OPN5: variants seen among roughly 807,000 people sequenced by gnomAD.
The protein encoded by OPN5 is opsin 5, also known as opsin-5.
OPN5 carries 18 observed loss-of-function variants against 41.7 expected under a neutral mutation model. That is an observed-to-expected ratio of 0.43 (90% CI 0.30 to 0.64). OPN5 has a LOEUF of 0.64. OPN5 is among the 30% of genes least tolerant of loss of function. OPN5 has a pLI of 0.13. For synonymous variants in OPN5, 178 were observed against 164.3 expected, an observed-to-expected ratio of 1.08 and a Z score of -0.64; for missense variants, 318 against 434.5, an observed-to-expected ratio of 0.73 and a Z score of 2.38.
chr6:47,785,246 G>A (rs1388915428), intron 1 of OPN5, among the ~76,000 whole-genome samples: 1 of 152,140 alleles, frequency 6.6e-6, no homozygotes, highest in African/African-American at 2.4e-5. Context: ...TGCTTTCCTA[G>A]CTGGTTTCCT....
intron 4 of OPN5, among the ~76,000 whole-genome samples, chr6:47,800,309 G>A (rs1195095180): frequency 5.9e-5 from 9 of 152,162 alleles, no homozygotes; most frequent in African/African-American, 2.2e-4. Context: ...GGGTGAAGGG[G>A]TGGGGATTGC....
intron 4 of OPN5, among the ~76,000 whole-genome samples, chr6:47,802,390 A>G (rs1340878431): frequency 6.6e-6 from 1 of 152,078 alleles, no homozygotes; most frequent in Non-Finnish European, 1.5e-5. Context: ...TGTATTTTCT[A>G]TCTCACTCAC....
chr6:47,784,180 C>A (rs1773143208), intron 1 of OPN5, among the ~76,000 whole-genome samples: 1 of 152,108 alleles, frequency 6.6e-6, no homozygotes, highest in Admixed American at 6.5e-5. Flanking sequence ...AGAACAGTCA[C>A]GCAGGGTGAG....
chr6:47,782,331 G>T, intron 1 of OPN5, 135 bp downstream of exon 1: 1 of 710,084 alleles, frequency 1.4e-6, no homozygotes, highest in Non-Finnish European at 2.3e-6. Flanking sequence ...GGCAGAAGAT[G>T]GAATGGCATT....
intron 5 of OPN5, 28 bp downstream of exon 5, chr6:47,808,423 T>A (rs1774060127): frequency 1.2e-6 from 2 of 1,612,368 alleles, no homozygotes; most frequent in East Asian, 4.5e-5. Flanking sequence ...GGAAATGAAT[T>A]ACACTCTCTT....
chr6:47,798,912 T>C (rs2113969465), intron 4 of OPN5, among the ~76,000 whole-genome samples: 1 of 152,266 alleles, frequency 6.6e-6, no homozygotes, highest in South Asian at 2.1e-4. Context: ...TTGGTACTTC[T>C]GATTTTCAGA....
intron 6 of OPN5, 198 bp downstream of exon 6, chr6:47,811,929 G>A (rs1774221935): frequency 2.5e-6 from 1 of 402,782 alleles, no homozygotes; most frequent in African/African-American, 2.0e-5. Context: ...CTAATTTAAG[G>A]AATATTATCA....
intron 4 of OPN5, among the ~76,000 whole-genome samples, chr6:47,806,000 A>G (rs1773945258): frequency 6.6e-6 from 1 of 151,982 alleles, no homozygotes; most frequent in Non-Finnish European, 1.5e-5. Context: ...GCTGCTCTCT[A>G]TTCCTATTAT....
Position 47,811,732 on chromosome 6 carries a change from G to T in OPN5, c.1056+1G>T, listed in dbSNP as rs1329790366. On this transcript the variant is annotated splice_donor_variant, in intron 6 of 6. Coordinates refer to ENST00000371211, the Ensembl canonical transcript of OPN5. LOFTEE classifies it high-confidence loss of function. ...TGCTGTGCTGGAAATTCATGAAGAG[G>T]TATGAAGATGGATACAGCATCACTA... 14 of 1,605,556 alleles carry T rather than the reference G, an allele frequency of 8.7e-6. No individual in the cohort carries two copies. The East Asian group carries it at 3.1e-4, about 36-fold the overall frequency.
At chr6:47,785,053 A>G (rs1773163089) in intron 1 of OPN5, among the ~76,000 whole-genome samples, 1 of 152,244 alleles carries the variant, frequency 6.6e-6, no homozygotes, top group Non-Finnish European at 1.5e-5. Flanking sequence ...AAGCAGGGTC[A>G]GTAAAGAAAA....
chr6:47,817,593 C>A (rs1377318949), intron 6 of OPN5, among the ~76,000 whole-genome samples: 1 of 152,028 alleles, frequency 6.6e-6, no homozygotes, highest in African/African-American at 2.4e-5. Context: ...GAACTTGAGC[C>A]CCATGCCTGA....
chr6:47,799,514 T>TCCTTATAACTTAGTTC (rs1359663147), intron 4 of OPN5, among the ~76,000 whole-genome samples: 2 of 152,106 alleles, frequency 1.3e-5, no homozygotes, highest in Non-Finnish European at 1.5e-5. Context: ...TTCCTTGTGG[T>TCCTTATAACTTAGTTC]CTTAGTTATA....
chr6:47,791,115 C>T (rs1175273612), intron 2 of OPN5, among the ~76,000 whole-genome samples: 1 of 151,978 alleles, frequency 6.6e-6, no homozygotes, highest in Non-Finnish European at 1.5e-5. Flanking sequence ...TTCCTCTATT[C>T]ATTGAGACAA....
At chr6:47,795,909 TAAG>T (rs945148588) in intron 4 of OPN5, among the ~76,000 whole-genome samples, 1 of 152,184 alleles carries the variant, frequency 6.6e-6, no homozygotes, top group African/African-American at 2.4e-5. Flanking sequence ...ATTTCAGTAA[TAAG>T]AATAACTTTT....
rs577950968 is a variant in OPN5 at position 47,814,528 on chromosome 6, G to T, written c.1056+2797G>T. 2.6e-5 allele frequency among the ~76,000 whole-genome samples: 4 copies of T among 152,182 alleles called. No homozygotes were observed. In the South Asian group the frequency reaches 8.3e-4, roughly 32 times the overall value. On this transcript the variant is annotated intron_variant, in intron 6 of 6. Coordinates refer to ENST00000371211, the Ensembl canonical transcript of OPN5. ...ATATGATTTAAGTCCTCCATGCTTT[G>T]GTTCTACATTGTTTTGGGTAATAAT...
At chr6:47,824,962 A>T (rs1762747909), downstream of OPN5, 1 of 152,184 alleles carries the variant, frequency 6.6e-6, no homozygotes. Flanking sequence ...TTTAAAGGTA[A>T]CTCTTACATA....
At chr6:47,786,585 C>G (rs74388536) in exon 2 of OPN5, 6 of 1,611,000 alleles carry the variant, frequency 3.7e-6, no homozygotes, top group Non-Finnish European at 5.1e-6. Flanking sequence ...AGCTGAGACC[C>G]GCTGAAATAA....
chr6:47,811,754 A>C (rs192599224), intron 6 of OPN5, 23 bp downstream of exon 6: 1 of 1,521,016 alleles, frequency 6.6e-7, no homozygotes, highest in Admixed American at 1.7e-5. Context: ...ATACAGCATC[A>C]CTATGGACAC....
In OPN5 at chr6:47,811,872, GT is replaced by G. The variant is rs148305792; in HGVS notation, c.1056+143del. The G allele has an allele frequency of 7.6e-4, 378 of 496,682 alleles. 1 individual carries two copies. Among genetic ancestry groups the G allele is most frequent in the African/African-American group, 6.9e-3 (357 of 51,548 alleles). The allele number at this position is 496,682 out of a possible 1,614,324, so 30.8% of individuals were successfully genotyped here. On this transcript the variant is annotated intron_variant, in intron 6 of 6. Coordinates refer to ENST00000371211, the Ensembl canonical transcript of OPN5. ...TTGTACAGTTTTCCTCAAGCCAGGG[GT>G]TGCTGGGAAATTCCAATGGCTAAAT...
Sources: allele counts gnomAD v4.1 joint callset (sites outside exome capture counted in the v4.1 genomes callset), GRCh38; gene constraint gnomAD v4.1.1; transcripts MANE v1.5; gene names NCBI Gene and HGNC (gene_info 2026-07-23, HGNC 2026-07-21).